The following PAK1IP1 variants were observed in gnomAD, a reference collection of about 807,000 sequenced individuals.
PAK1IP1 encodes the protein PAK1 interacting protein 1, also known as p21-activated protein kinase-interacting protein 1.
PAK1IP1 carries 24 observed loss-of-function variants against 42.0 expected under a neutral mutation model. The observed-to-expected ratio is 0.57, with a 90% CI of 0.41 to 0.80. The LOEUF (loss-of-function observed/expected upper bound fraction) is 0.80. PAK1IP1 is among the 30% of genes least tolerant of loss of function. The pLI is 0.00. For missense variants in PAK1IP1, 411 were observed against 467.9 expected (o/e 0.88, Z 1.12); for synonymous variants, 154 against 156.7 (o/e 0.98, Z 0.13).
upstream of PAK1IP1, among the ~76,000 whole-genome samples, chr6:10,692,947 C>T (rs1358522699): frequency 6.6e-6 from 1 of 152,136 alleles, no homozygotes; most frequent in African/African-American, 2.4e-5. Context: ...TGGCAGATGA[C>T]GTAGAAAGTA....
chr6:10,697,021 C>T (rs1290220348), intron 1 of PAK1IP1, among the ~76,000 whole-genome samples: 1 of 152,148 alleles, frequency 6.6e-6, no homozygotes, highest in East Asian at 1.9e-4. Flanking sequence ...ATCTAAAAGT[C>T]TTCCTTAGTC....
At chr6:10,699,770 T>C (rs2127479323) in intron 2 of PAK1IP1, among the ~76,000 whole-genome samples, 1 of 152,336 alleles carries the variant, frequency 6.6e-6, no homozygotes, top group South Asian at 2.1e-4. Flanking sequence ...TTTGCAGCGA[T>C]AAATGGCTTC....
chr6:10,694,905 T>TTTTG, upstream of PAK1IP1: 2 of 282,506 alleles, frequency 7.1e-6, no homozygotes, highest in African/African-American at 5.9e-5. Context: ...AGTCAGGTGT[T>TTTTG]TTTTTTTTTT....
chr6:10,696,322 T>A (rs1769843625), intron 1 of PAK1IP1, among the ~76,000 whole-genome samples: 2 of 152,220 alleles, frequency 1.3e-5, no homozygotes, highest in African/African-American at 4.8e-5. Flanking sequence ...GAGGCCCCCT[T>A]GGTCTTAAAT....
chr6:10,700,804 T>A (rs1258731423), intron 2 of PAK1IP1, among the ~76,000 whole-genome samples: 1 of 152,188 alleles, frequency 6.6e-6, no homozygotes, highest in Non-Finnish European at 1.5e-5. Context: ...CTTGTATAAA[T>A]CCTTTTTTTC....
At chr6:10,707,911 TAC>T (rs1770254914) in intron 8 of PAK1IP1, among the ~76,000 whole-genome samples, 1 of 152,208 alleles carries the variant, frequency 6.6e-6, no homozygotes, top group Non-Finnish European at 1.5e-5. Flanking sequence ...GTAGTCTCCT[TAC>T]AGTCTCTCTT....
chr6:10,704,868 A>G (rs2127481066), intron 7 of PAK1IP1, 24 bp downstream of exon 7: 1 of 1,377,956 alleles, frequency 7.3e-7, no homozygotes, highest in South Asian at 1.2e-5. Flanking sequence ...TCTTTGGTGT[A>G]TATGTCTAGT....
chr6:10,704,063 C>T (rs528560475), intron 5 of PAK1IP1, among the ~76,000 whole-genome samples: 1 of 152,078 alleles, frequency 6.6e-6, no homozygotes, highest in Non-Finnish European at 1.5e-5. Context: ...CGCTCTATCA[C>T]CCAGGCTGGA....
intron 2 of PAK1IP1, among the ~76,000 whole-genome samples, chr6:10,700,769 C>T (rs1770003352): frequency 6.6e-6 from 1 of 152,076 alleles, no homozygotes; most frequent in East Asian, 1.9e-4. Context: ...AAGTAGGGCT[C>T]TTGGTTTCTT....
Position 10,703,216 on chromosome 6 carries a change from G to A in PAK1IP1, c.444-189G>A, listed in dbSNP as rs112645349. Among the ~76,000 whole-genome samples, 147 of 152,212 alleles carry A rather than the reference G, an allele frequency of 9.7e-4. 1 individual carries two copies. The highest frequency in any genetic ancestry group is 3.2e-3 in the African/African-American group (135 of 41,540). ...TACAATGGATACGAGATGTTAAAGG[G>A]ATATGGGAATGAAGCAAGTCTTAAT... On this transcript the variant is annotated intron_variant, in intron 4 of 9. Transcript: ENST00000379568.
intron 2 of PAK1IP1, 22 bp downstream of exon 2, chr6:10,697,508 A>C: frequency 6.4e-7 from 1 of 1,558,798 alleles, no homozygotes; most frequent in Non-Finnish European, 8.8e-7. Context: ...GTATCCCTTA[A>C]GATGAGAACA....
Position 10,709,182 on chromosome 6 carries a change from T to C in PAK1IP1, c.965-56T>C, listed in dbSNP as rs563079451. ...TCACTTTATTGACAGCTTGTGTTTATTTCATTCAAAGGGGAAAACAGTCTT... is the reference window on the plus strand; with the variant it reads ...TCACTTTATTGACAGCTTGTGTTTACTTCATTCAAAGGGGAAAACAGTCTT... On this transcript the variant is annotated intron_variant, in intron 9 of 9. Coordinates refer to ENST00000379568, the MANE Select transcript of PAK1IP1 (RefSeq NM_017906.3). 90 of 1,533,512 alleles carry C rather than the reference T, an allele frequency of 5.9e-5. 1 individual carries two copies. The South Asian group carries it at 9.9e-4, about 17-fold the overall frequency. The allele number at this position is 1,533,512 out of a possible 1,614,324, so 95.0% of individuals were successfully genotyped here.
At chr6:10,694,416 C>T (rs75923375), upstream of PAK1IP1, 11,146 of 154,616 alleles carry the variant, frequency 0.072, 1,187 homozygotes, top group African/African-American at 0.24. Flanking sequence ...ACATCTAGCA[C>T]TCCGAGTCCG....
chr6:10,706,475 G>A (rs1456029214), intron 7 of PAK1IP1, among the ~76,000 whole-genome samples: 2 of 152,148 alleles, frequency 1.3e-5, no homozygotes, highest in East Asian at 3.9e-4. Flanking sequence ...TCACTGTGTG[G>A]CCAGTTTTGC....
upstream of PAK1IP1, among the ~76,000 whole-genome samples, chr6:10,694,333 C>T (rs1769655131): frequency 6.6e-6 from 1 of 151,900 alleles, no homozygotes; most frequent in African/African-American, 2.4e-5. Flanking sequence ...CCAATACAGC[C>T]CCAGAGTTAG....
chr6:10,697,890 CAAA>C (rs766236291), intron 2 of PAK1IP1, among the ~76,000 whole-genome samples: 4 of 88,464 alleles, frequency 4.5e-5, no homozygotes, highest in Non-Finnish European at 5.0e-5. Flanking sequence ...GACTCTGTCT[CAAA>C]AAAAAAAAAA....
In PAK1IP1 at chr6:10,703,474, G is replaced by C; in HGVS notation, c.496+17G>C. 5 of 1,566,614 alleles carry C rather than the reference G, an allele frequency of 3.2e-6. No individual in the cohort carries two copies. Among genetic ancestry groups the C allele is most frequent in the Non-Finnish European group, 4.4e-6 (5 of 1,140,010 alleles). ...TAAAACAAAGTGAGTATTTTTGTTTGAAATGCAGGTTGAGCATTCCTAATC... is the reference window on the plus strand; with the variant it reads ...TAAAACAAAGTGAGTATTTTTGTTTCAAATGCAGGTTGAGCATTCCTAATC... On this transcript the variant is annotated intron_variant, in intron 5 of 9. Transcript: ENST00000379568.
At chr6:10,694,862 C>CTGTATAATTCGTATA (rs1176678927), upstream of PAK1IP1, 19 of 686,402 alleles carry the variant, frequency 2.8e-5, no homozygotes, top group South Asian at 8.9e-5. Flanking sequence ...GCCCTGGAGC[C>CTGTATAATTCGTATA]TGACGTATAA....
At chr6:10,692,158 C>T (rs966613081), upstream of PAK1IP1, among the ~76,000 whole-genome samples, 3 of 152,088 alleles carry the variant, frequency 2.0e-5, no homozygotes, top group African/African-American at 4.8e-5. Flanking sequence ...AAAGTTTTAG[C>T]GGTTTTTAAT....
Sources: gnomAD v4.1 joint callset for allele counts (sites outside exome capture counted in the v4.1 genomes callset) on GRCh38, gnomAD v4.1.1 for gene constraint, MANE v1.5 for transcripts, NCBI Gene and HGNC (gene_info 2026-07-23, HGNC 2026-07-21) for gene names.